PARD3: variants seen among roughly 807,000 people sequenced by gnomAD.
PARD3 encodes the protein partitioning defective 3 homolog.
PARD3 carries 75 observed loss-of-function variants against 155.4 expected under a neutral mutation model. The observed-to-expected ratio is 0.48, with a 90% CI of 0.40 to 0.58. The LOEUF is 0.58. PARD3 is among the 20% of genes least tolerant of loss of function. The pLI, the probability that PARD3 is intolerant of heterozygous loss-of-function variation, is 0.00. For missense variants in PARD3, 1,642 were observed against 1,721.7 expected, an observed-to-expected ratio of 0.95 and a Z score of 0.82; for synonymous variants, 576 against 610.5, an observed-to-expected ratio of 0.94 and a Z score of 0.83.
intron 22 of PARD3, among the ~76,000 whole-genome samples, chr10:34,172,644 G>C (rs1443095309): frequency 6.6e-6 from 1 of 151,532 alleles, no homozygotes; most frequent in Non-Finnish European, 1.5e-5. Context: ...CCCCCATGCT[G>C]TATGTCACAA....
intron 22 of PARD3, among the ~76,000 whole-genome samples, chr10:34,226,114 A>C (rs992688710): frequency 1.3e-5 from 2 of 152,252 alleles, no homozygotes; most frequent in African/African-American, 4.8e-5. Flanking sequence ...ATAAAAACGG[A>C]GGCAAAAGAT....
rs1234336246 is a variant in PARD3, at chr10:34,110,437, CCACA to C, written c.*728_*731del. On this transcript the variant is annotated 3_prime_UTR_variant, in exon 25 of 25. Coordinates refer to ENST00000374788, the MANE Select transcript of PARD3 (RefSeq NM_001184785.2). ...GAGCCACTCCTGTCTCCCACGTTCC[CCACA>C]CAGAGCTGTGGTGACTCAACCCACG... The C allele has an allele frequency of 6.6e-6, 1 of 152,238 alleles. No individual in the cohort carries two copies. The highest frequency in any genetic ancestry group is 1.5e-5 in the Non-Finnish European group (1 of 68,094). 9.4% of individuals were successfully genotyped at this position (152,238 alleles called of 1,614,324 possible). A position where few individuals can be genotyped will look rare whatever the true frequency, so the allele number is the denominator to read the frequency against.
chr10:34,182,924 C>T (rs1950329074), intron 22 of PARD3, among the ~76,000 whole-genome samples: 2 of 152,146 alleles, frequency 1.3e-5, no homozygotes, highest in African/African-American at 4.8e-5. Flanking sequence ...TCATAAATTA[C>T]ATCAACATTG....
chr10:34,558,520 C>A (rs2085195320), intron 2 of PARD3, among the ~76,000 whole-genome samples: 1 of 152,210 alleles, frequency 6.6e-6, no homozygotes, highest in Admixed American at 6.5e-5. Context: ...TATACTAAAT[C>A]TGCAAGAGGC....
intron 2 of PARD3, among the ~76,000 whole-genome samples, chr10:34,570,066 T>C (rs11009819): frequency 0.37 from 55,536 of 152,102 alleles, 10,446 homozygotes; most frequent in South Asian, 0.45. Flanking sequence ...CTTAACATAG[T>C]ACATCTATCT....
At chr10:34,803,512 C>T (rs1483606543) in intron 1 of PARD3, among the ~76,000 whole-genome samples, 3 of 151,934 alleles carry the variant, frequency 2.0e-5, no homozygotes, top group African/African-American at 2.4e-5. Flanking sequence ...AGGAGTTGGC[C>T]GGGCGCGGTG....
At chr10:34,618,885 T>C (rs2091440223) in intron 2 of PARD3, among the ~76,000 whole-genome samples, 1 of 152,082 alleles carries the variant, frequency 6.6e-6, no homozygotes, top group Admixed American at 6.5e-5. Flanking sequence ...TCAACCACAA[T>C]ATGATCCCAG....
intron 3 of PARD3, among the ~76,000 whole-genome samples, chr10:34,495,401 C>T (rs988401389): frequency 7.2e-5 from 11 of 152,176 alleles, no homozygotes; most frequent in Admixed American, 3.3e-4. Flanking sequence ...GGAGAACCCA[C>T]ATTTATTGGT....
Position 34,382,593 on chromosome 10 carries a change from C to T in PARD3, c.1346G>A (p.Ser449Asn). ...PQNVFSTTVS[S>N]GYNTKKIGKR... ...GCCTATTTTTTTGGTGTTATAACCA[C>T]TGCTTACAGTCGTACTAAATACATT... The change falls in exon 9 of 25, where the codon AGT becomes AAT. Residue 449 changes from serine to asparagine, a missense_variant. Ser to Asn is a conservative substitution (Grantham distance 46). Transcript: ENST00000374788. 1 of 1,613,904 alleles carries T rather than the reference C, an allele frequency of 6.2e-7. No individual in the cohort carries two copies. The highest frequency in any genetic ancestry group is 8.5e-7 in the Non-Finnish European group (1 of 1,180,004).
chr10:34,449,447 C>T (rs1442041704), intron 5 of PARD3, among the ~76,000 whole-genome samples: 1 of 114,664 alleles, frequency 8.7e-6, no homozygotes, highest in African/African-American at 3.4e-5. Context: ...ATAATTAACT[C>T]ATTGGAGGTG....
chr10:34,383,875 G>T (rs1842094499), intron 8 of PARD3, among the ~76,000 whole-genome samples: 1 of 152,046 alleles, frequency 6.6e-6, no homozygotes, highest in African/African-American at 2.4e-5. Context: ...AAAAGGAGAG[G>T]AACCAGCAAA....
intron 2 of PARD3, among the ~76,000 whole-genome samples, chr10:34,542,291 T>A (rs1343253985): frequency 6.6e-6 from 1 of 151,162 alleles, no homozygotes; most frequent in Non-Finnish European, 1.5e-5. Context: ...TGAAATGTAT[T>A]TTTTACTCTA....
chr10:34,315,715 G>C (rs1215684271), intron 20 of PARD3, among the ~76,000 whole-genome samples: 2 of 152,198 alleles, frequency 1.3e-5, no homozygotes, highest in Non-Finnish European at 2.9e-5. Flanking sequence ...TAAAGTGGCA[G>C]TTAGAGCAAT....
chr10:34,682,976 G>C (rs752454444), intron 2 of PARD3, among the ~76,000 whole-genome samples: 2 of 152,184 alleles, frequency 1.3e-5, no homozygotes, highest in African/African-American at 4.8e-5. Context: ...GCCGACAACG[G>C]CAACCACAAT....
chr10:34,650,110 T>C (rs1358114497), intron 2 of PARD3, among the ~76,000 whole-genome samples: 1 of 152,158 alleles, frequency 6.6e-6, no homozygotes, highest in Non-Finnish European at 1.5e-5. Context: ...GGCTTTTTTT[T>C]AAAGAAGGAT....
chr10:34,528,417 C>T (rs995430134), intron 2 of PARD3, among the ~76,000 whole-genome samples: 1 of 152,292 alleles, frequency 6.6e-6, no homozygotes, highest in South Asian at 2.1e-4. Flanking sequence ...CATTCTACCA[C>T]CACAAGGTTG....
At chr10:34,572,142 A>C (rs1278139118) in intron 2 of PARD3, among the ~76,000 whole-genome samples, 1 of 152,220 alleles carries the variant, frequency 6.6e-6, no homozygotes, top group Non-Finnish European at 1.5e-5. Flanking sequence ...CTGATGCTAT[A>C]AGGAAGAAAA....
intron 2 of PARD3, among the ~76,000 whole-genome samples, chr10:34,655,635 G>C (rs2093145911): frequency 6.6e-6 from 1 of 152,186 alleles, no homozygotes; most frequent in African/African-American, 2.4e-5. Flanking sequence ...GCAGAGGAGA[G>C]TAAATAAGGG....
intron 22 of PARD3, among the ~76,000 whole-genome samples, chr10:34,236,981 T>A (rs891324681): frequency 6.6e-6 from 1 of 152,006 alleles, no homozygotes; most frequent in Non-Finnish European, 1.5e-5. Context: ...ACAAAAAGAG[T>A]GTTTAAATTT....
Sources: allele counts gnomAD v4.1 joint callset (sites outside exome capture counted in the v4.1 genomes callset), GRCh38; gene constraint gnomAD v4.1.1; transcripts MANE v1.5; gene names NCBI Gene and HGNC (gene_info 2026-07-23, HGNC 2026-07-21).